The following BCOR variants were observed in gnomAD, a reference collection of about 807,000 sequenced individuals.
BCOR encodes BCL-6 corepressor.
A neutral mutation model predicts 86.7 loss-of-function variants in BCOR; 10 were observed. That is an observed-to-expected ratio of 0.12 (90% CI 0.07 to 0.20). The LOEUF (loss-of-function observed/expected upper bound fraction) is 0.20. Among genes scored for constraint, BCOR ranks in the 10% least tolerant of loss-of-function variants. BCOR has a pLI of 1.00. For missense variants in BCOR, 1,259 were observed against 1,452.1 expected, an observed-to-expected ratio of 0.87 and a Z score of 2.16; for synonymous variants, 611 against 609.0, an observed-to-expected ratio of 1.00 and a Z score of -0.05.
At chrX:40,118,165 C>T (rs1160884371) in intron 1 of BCOR, among the ~76,000 whole-genome samples, 2 of 109,972 alleles carry the variant, frequency 1.8e-5, no homozygotes, top group African/African-American at 3.3e-5. Context: ...TTTTGGGAGG[C>T]GGGGAGTCAC....
At chrX:40,099,152 G>A (rs1937019807), upstream of BCOR, among the ~76,000 whole-genome samples, 1 of 111,475 alleles carries the variant, frequency 9.0e-6, no homozygotes, top group Non-Finnish European at 1.9e-5. Context: ...GCCCGCAGCA[G>A]TTCAATTCAA....
intron 1 of BCOR, among the ~76,000 whole-genome samples, chrX:40,156,879 C>T (rs906814224): frequency 8.8e-6 from 1 of 113,818 alleles, no homozygotes; most frequent in Non-Finnish European, 1.9e-5. Flanking sequence ...GTCACCGAAC[C>T]AGCTCGGCCA....
At chrX:40,123,996 C>A (rs888688712) in intron 1 of BCOR, among the ~76,000 whole-genome samples, 1 of 111,299 alleles carries the variant, frequency 9.0e-6, no homozygotes, top group Non-Finnish European at 1.9e-5. Context: ...GGGAAAAGGC[C>A]AGGGCCCTTG....
Position 40,062,778 on chromosome X carries a change from C to T in BCOR, c.4141G>A (p.Gly1381Arg), listed in dbSNP as rs1934959595. Reference protein sequence around the residue: ...QESRRGLPLTGEYYVENADGK... With the variant: ...QESRRGLPLTREYYVENADGK... Reference sequence around the variant, plus strand: ...TCGGCATTCTCCACGTAGTATTCCCCTGTCAGTGGCAATCCCCGCCTGGAC... The same window carrying T: ...TCGGCATTCTCCACGTAGTATTCCCTTGTCAGTGGCAATCCCCGCCTGGAC... The change falls in exon 9 of 15, where the codon GGG (glycine) becomes AGG (arginine). Residue 1381 changes from glycine to arginine, a missense_variant. Coordinates refer to ENST00000378444, the MANE Select transcript of BCOR (RefSeq NM_001123385.2). 4.1e-6 allele frequency: 5 copies of T among 1,209,606 alleles called. No homozygotes were observed. The highest frequency in any genetic ancestry group is 4.5e-6 in the Non-Finnish European group (4 of 895,013).
At chrX:40,162,644 G>A (rs965176984) in intron 1 of BCOR, among the ~76,000 whole-genome samples, 1 of 111,680 alleles carries the variant, frequency 9.0e-6, no homozygotes, top group Non-Finnish European at 1.9e-5. Flanking sequence ...GAGGAAAGCA[G>A]GCCAGAGGGT....
Position 40,077,871 on chromosome X carries a change from A to G in BCOR, c.59T>C (p.Val20Ala). Residue 20 changes from valine to alanine, a missense_variant, in exon 2 of 15, where the codon GTC becomes GCC. Around this residue, in one of 7 missense-constraint regions of BCOR, gnomAD observed 174 missense variants for 189.3 expected, o/e 0.92. Coordinates refer to ENST00000378444, the MANE Select transcript of BCOR (RefSeq NM_001123385.2). ...GTCTTCGCTCGCCCCACACATGCGGACCCTCTCGCTGTTCATCCAGCTGTG... is the reference window on the plus strand; with the variant it reads ...GTCTTCGCTCGCCCCACACATGCGGGCCCTCTCGCTGTTCATCCAGCTGTG... ...NVHSWMNSER[V>A]RMCGASEDRK... The G allele has an allele frequency of 1.7e-6, 2 of 1,211,788 alleles. No homozygotes were observed. Among genetic ancestry groups the G allele is most frequent in the Non-Finnish European group, 2.2e-6 (2 of 895,409 alleles).
intron 1 of BCOR, among the ~76,000 whole-genome samples, chrX:40,146,970 G>A (rs1265497207): frequency 8.9e-6 from 1 of 112,072 alleles, no homozygotes; most frequent in East Asian, 2.8e-4. Flanking sequence ...GCAAAGGCCG[G>A]CGGCGTGCGG....
At chrX:40,068,792 C>A (rs1201236786) in intron 6 of BCOR, among the ~76,000 whole-genome samples, 3 of 113,158 alleles carry the variant, frequency 2.7e-5, no homozygotes, top group Non-Finnish European at 5.6e-5. Flanking sequence ...GCAACCCATA[C>A]TATCACTAAG....
At chrX:40,152,751 C>A (rs1938195544) in intron 1 of BCOR, among the ~76,000 whole-genome samples, 1 of 112,606 alleles carries the variant, frequency 8.9e-6, no homozygotes, top group East Asian at 2.8e-4. Flanking sequence ...CCTGCCCCCT[C>A]CTCACTGAAT....
intron 1 of BCOR, among the ~76,000 whole-genome samples, chrX:40,133,053 G>C (rs1234081204): frequency 8.9e-6 from 1 of 112,349 alleles, no homozygotes; most frequent in Non-Finnish European, 1.9e-5. Flanking sequence ...GAGGGGACCA[G>C]CAAGGTTTTC....
chrX:40,111,574 AAAG>A lies in BCOR; in HGVS notation c.-40-33608_-40-33606del, dbSNP rs201184661. Among the ~76,000 whole-genome samples, 647 of 112,558 alleles carry A rather than the reference AAAG, an allele frequency of 5.7e-3. 1 individual carries two copies. The highest frequency in any genetic ancestry group is 0.02 in the African/African-American group (628 of 30,982). On this transcript the variant is annotated intron_variant, in intron 1 of 14. Transcript: ENST00000342274. ...AATATTCTGTAGCTGTTAAAATAATAAAGAAGATCTGCTCTGTGTATTGATATG... is the reference window on the plus strand; with the variant it reads ...AATATTCTGTAGCTGTTAAAATAATAAAGATCTGCTCTGTGTATTGATATG...
chrX:40,098,140 C>A (rs1188131243), upstream of BCOR, among the ~76,000 whole-genome samples: 1 of 107,000 alleles, frequency 9.3e-6, no homozygotes, highest in Non-Finnish European at 1.9e-5. Flanking sequence ...CCGCCTCCAG[C>A]TCTCGCAAGT....
At chrX:40,063,992 C>G (rs750660686) in intron 7 of BCOR, 40 bp from the exon 8 acceptor site, 1 of 493,494 alleles carries the variant, frequency 2.0e-6, no homozygotes, top group African/African-American at 3.3e-5. Context: ...AAAAGCCCCC[C>G]GGGGGGGAAC....
chrX:40,176,586 C>T (rs753694079), intron 1 of BCOR, among the ~76,000 whole-genome samples: 152 of 112,545 alleles, frequency 1.4e-3, no homozygotes, highest in Non-Finnish European at 4.5e-4. Context: ...CGTGTCCCTG[C>T]CCCCGCCCCC....
At chrX:40,108,252 C>T (rs938104100) in intron 1 of BCOR, among the ~76,000 whole-genome samples, 1 of 112,608 alleles carries the variant, frequency 8.9e-6, no homozygotes, top group African/African-American at 3.2e-5. Context: ...CAGCTAGAGC[C>T]GCCAAGTGGG....
chrX:40,092,794 C>A (rs1347588045), intron 1 of BCOR, among the ~76,000 whole-genome samples: 4 of 112,491 alleles, frequency 3.6e-5, no homozygotes, highest in African/African-American at 1.3e-4. Flanking sequence ...CACCATCCAT[C>A]CTTTAGGCTG....
At chrX:40,153,337 G>A (rs923607826) in intron 1 of BCOR, among the ~76,000 whole-genome samples, 4 of 112,600 alleles carry the variant, frequency 3.6e-5, no homozygotes, top group African/African-American at 9.7e-5. Context: ...CCCGAGGGTG[G>A]GGGACAGCTG....
In BCOR at chrX:40,096,378, G is replaced by C. The variant is rs1034689151; in HGVS notation, c.-41+837C>G. On this transcript the variant is annotated intron_variant, in intron 1 of 14. Coordinates refer to ENST00000378444, the MANE Select transcript of BCOR (RefSeq NM_001123385.2). ...TAACTTAAAACCTACGCTGAACATC[G>C]GGGAGGGAGAGGAGGGGGAAAGCGG... Among the ~76,000 whole-genome samples the C allele has an allele frequency of 1.2e-4, 13 of 112,285 alleles. No homozygotes were observed. The Middle Eastern group carries it at 0.014, about 120-fold the overall frequency.
At chrX:40,140,435 G>A (rs1049617819) in intron 1 of BCOR, among the ~76,000 whole-genome samples, 5 of 111,474 alleles carry the variant, frequency 4.5e-5, no homozygotes, top group African/African-American at 1.6e-4. Flanking sequence ...CTGCACTACA[G>A]CCTCAGCAAG....
Sources: allele counts gnomAD v4.1 joint callset (sites outside exome capture counted in the v4.1 genomes callset), GRCh38; gene constraint gnomAD v4.1.1; regional missense constraint gnomAD v4.1.1; transcripts MANE v1.5; gene names NCBI Gene and HGNC (gene_info 2026-07-23, HGNC 2026-07-21).